The following TMEM163 variants were observed in gnomAD, a reference collection of about 807,000 sequenced individuals.
The protein encoded by TMEM163 is transmembrane protein 163.
TMEM163 carries 17 observed loss-of-function variants against 29.3 expected under a neutral mutation model. The ratio of observed to expected loss-of-function variants is 0.58; its 90% CI spans 0.40 to 0.87. The LOEUF is 0.87. TMEM163 is among the 40% of genes least tolerant of loss of function. The probability of loss-of-function intolerance (pLI) is 0.00; values close to 1 mark genes in which losing one functional copy is unlikely to be tolerated. For synonymous variants in TMEM163, 157 were observed against 160.6 expected (o/e 0.98, Z 0.17); for missense variants, 303 against 381.5 (o/e 0.79, Z 1.71).
intron 2 of TMEM163, among the ~76,000 whole-genome samples, chr2:134,568,172 C>T (rs1681337922): frequency 6.6e-6 from 1 of 152,200 alleles, no homozygotes; most frequent in South Asian, 2.1e-4. Flanking sequence ...TCCAGTAGGG[C>T]ATCACCAGCT....
In TMEM163 at chr2:134,718,807, C is replaced by G. The variant is rs1685097804; in HGVS notation, c.129G>C (p.Pro43=). ...CCTGCCGCTCCTCCTCCAGCTGGGGCGGCTCGCGCACCGGGGAGCTCAGCG... is the reference window on the plus strand; with the variant it reads ...CCTGCCGCTCCTCCTCCAGCTGGGGGGGCTCGCGCACCGGGGAGCTCAGCG... ...PAPLSSPVRE[P]PQLEEERQVR... Residue 43 remains proline, a synonymous_variant, in exon 1 of 8, where the codon CCG becomes CCC. Transcript: ENST00000281924. The G allele has an allele frequency of 8.8e-7, 1 of 1,141,390 alleles. No homozygotes were observed. Among genetic ancestry groups the G allele is most frequent in the Admixed American group, 4.8e-5 (1 of 20,774 alleles). 70.7% of individuals were successfully genotyped at this position (1,141,390 alleles called of 1,614,324 possible). A position where few individuals can be genotyped will look rare whatever the true frequency, so the allele number is the denominator to read the frequency against.
chr2:134,526,311 G>T (rs932666509), intron 4 of TMEM163, among the ~76,000 whole-genome samples: 1 of 152,130 alleles, frequency 6.6e-6, no homozygotes, highest in Non-Finnish European at 1.5e-5. Context: ...AACCACCCAA[G>T]GTTAAGTAAA....
intron 5 of TMEM163, among the ~76,000 whole-genome samples, chr2:134,492,105 T>C (rs1679443995): frequency 6.6e-6 from 1 of 152,238 alleles, no homozygotes; most frequent in African/African-American, 2.4e-5. Context: ...AGCTGTTATA[T>C]TTAGCCTACT....
At chr2:134,564,506 A>G (rs762869953) in intron 2 of TMEM163, among the ~76,000 whole-genome samples, 3 of 152,226 alleles carry the variant, frequency 2.0e-5, no homozygotes, top group Non-Finnish European at 4.4e-5. Context: ...AAATGCATTC[A>G]TCATAAGGGA....
chr2:134,649,057 C>A (rs6721273), intron 2 of TMEM163, among the ~76,000 whole-genome samples: 1 of 151,962 alleles, frequency 6.6e-6, no homozygotes, highest in Non-Finnish European at 1.5e-5. Context: ...CTCAGACCTG[C>A]GACATATCAA....
chr2:134,506,660 C>T (rs544465349), intron 4 of TMEM163, among the ~76,000 whole-genome samples: 30 of 152,204 alleles, frequency 2.0e-4, no homozygotes, highest in African/African-American at 3.6e-4. Flanking sequence ...TCCAGCCACA[C>T]GAAAGCTCTG....
At position 134,699,604 on chromosome 2, in the gene TMEM163, T is replaced by C. The variant is rs575626698; in HGVS notation, c.322+13596A>G. ...TACATCACATATGCATTCCCTGTTA[T>C]GGATGGCAGTCAAAAGTGTTTGAAA... is the stretch of plus-strand genomic sequence containing the variant. On this transcript the variant is annotated intron_variant, in intron 2 of 7. Coordinates refer to ENST00000281924, the MANE Select transcript of TMEM163 (RefSeq NM_030923.5). Among the ~76,000 whole-genome samples, 5 of 152,360 alleles carry C rather than the reference T, an allele frequency of 3.3e-5. No homozygotes were observed. In the South Asian group the frequency reaches 1.0e-3, roughly 32 times the overall value.
At chr2:134,680,060 G>A (rs1464686956) in intron 2 of TMEM163, among the ~76,000 whole-genome samples, 1 of 152,222 alleles carries the variant, frequency 6.6e-6, no homozygotes, top group East Asian at 1.9e-4. Flanking sequence ...AGTTTCCATG[G>A]CTCTGGGCCA....
At chr2:134,507,590 G>A (rs983413633) in intron 4 of TMEM163, among the ~76,000 whole-genome samples, 2 of 152,162 alleles carry the variant, frequency 1.3e-5, no homozygotes, top group African/African-American at 4.8e-5. Flanking sequence ...AATAGGCCGG[G>A]TGTGGTGGCT....
At chr2:134,484,032 C>T (rs375308194) in intron 5 of TMEM163, among the ~76,000 whole-genome samples, 7 of 152,076 alleles carry the variant, frequency 4.6e-5, no homozygotes, top group African/African-American at 1.7e-4. Context: ...CCCAGCTACT[C>T]GGGAGAGGTT....
chr2:134,653,937 TA>T lies in TMEM163; in HGVS notation c.322+59262del, dbSNP rs1255898161. On this transcript the variant is annotated intron_variant, in intron 2 of 7. Coordinates refer to ENST00000281924, the MANE Select transcript of TMEM163 (RefSeq NM_030923.5). ...GAGTTTGTTATAATTTCTGTTCTTTTACATTTGCTGAGGAGAGCTTTACTTC... is the reference window on the plus strand; with the variant it reads ...GAGTTTGTTATAATTTCTGTTCTTTTCATTTGCTGAGGAGAGCTTTACTTC... Among the ~76,000 whole-genome samples the T allele has an allele frequency of 1.2e-3, 146 of 123,692 alleles. 7 individuals carry two copies. The highest frequency in any genetic ancestry group is 5.1e-3 in the African/African-American group (131 of 25,824). 81.1% of individuals were successfully genotyped at this position (123,692 alleles called of 152,430 possible).
intron 2 of TMEM163, among the ~76,000 whole-genome samples, chr2:134,592,673 G>A (rs1162404657): frequency 1.3e-5 from 2 of 152,144 alleles, no homozygotes; most frequent in Admixed American, 6.5e-5. Flanking sequence ...GGGGGTTGGG[G>A]AGGGGGTTGT....
intron 5 of TMEM163, 174 bp from the exon 6 acceptor site, chr2:134,466,399 G>T: frequency 1.8e-6 from 1 of 563,256 alleles, no homozygotes; most frequent in South Asian, 2.3e-5. Flanking sequence ...CCAGGAATTG[G>T]AAAAGATGCT....
rs1401282432 is a variant in TMEM163 at position 134,692,534 on chromosome 2, T to C, written c.322+20666A>G. Among the ~76,000 whole-genome samples the C allele has an allele frequency of 2.0e-5, 3 of 152,234 alleles. No homozygotes were observed. In the East Asian group the frequency reaches 5.8e-4, roughly 30 times the overall value. On this transcript the variant is annotated intron_variant, in intron 2 of 7. Transcript: ENST00000281924. ...ACACCATGAATTTATTTCTCACAGC[T>C]TTGGAGGCTGGAAGTCCAAGATCCA...
rs201436466 is a variant in TMEM163, at chr2:134,661,925, C to CTTTTTTTTTTTTTTTTTTTTTTTT, written c.322+51274_322+51275insAAAAAAAAAAAAAAAAAAAAAAAA. Among the ~76,000 whole-genome samples, 8 of 79,068 alleles carry CTTTTTTTTTTTTTTTTTTTTTTTT rather than the reference C, an allele frequency of 1.0e-4. 4 individuals are homozygous for CTTTTTTTTTTTTTTTTTTTTTTTT. The highest frequency in any genetic ancestry group is 2.4e-4 in the African/African-American group (4 of 16,966). The allele number at this position is 79,068 out of a possible 152,430, so 51.9% of individuals were successfully genotyped here. A position where few individuals can be genotyped will look rare whatever the true frequency, so the allele number is the denominator to read the frequency against. ...AAGTTTTCATGGATTCATTAATTTT[C>CTTTTTTTTTTTTTTTTTTTTTTTT]TTTCTTTTTTTTTTTTTTTTTTTTG... On this transcript the variant is annotated intron_variant, in intron 2 of 7. Coordinates refer to ENST00000281924, the MANE Select transcript of TMEM163 (RefSeq NM_030923.5).
At chr2:134,612,371 T>C (rs2104818798) in intron 2 of TMEM163, among the ~76,000 whole-genome samples, 1 of 152,208 alleles carries the variant, frequency 6.6e-6, no homozygotes. Flanking sequence ...AGCTCTAAAC[T>C]TTTTCTGGGA....
rs149299659 is a variant in TMEM163 at position 134,456,666 on chromosome 2, C to G, written c.*50G>C. On this transcript the variant is annotated 3_prime_UTR_variant, in exon 8 of 8. Coordinates refer to ENST00000281924, the MANE Select transcript of TMEM163 (RefSeq NM_030923.5). Reference sequence around the variant, plus strand: ...TCAGTTAAATATTGGCACCCTTTGCCTATGTGGAAACTCCTCATCTCGATG... The same window carrying G: ...TCAGTTAAATATTGGCACCCTTTGCGTATGTGGAAACTCCTCATCTCGATG... 2,460 of 1,600,184 alleles carry G rather than the reference C, an allele frequency of 1.5e-3. 35 individuals carry two copies. The East Asian group carries it at 0.024, about 15-fold the overall frequency.
chr2:134,650,900 T>C (rs1287589025), intron 2 of TMEM163, among the ~76,000 whole-genome samples: 2 of 131,818 alleles, frequency 1.5e-5, no homozygotes, highest in Admixed American at 7.5e-5. Context: ...TGCATTGTAT[T>C]CCATGGTGTA....
intron 2 of TMEM163, among the ~76,000 whole-genome samples, chr2:134,620,809 A>G (rs1682714428): frequency 6.6e-6 from 1 of 152,212 alleles, no homozygotes; most frequent in African/African-American, 2.4e-5. Flanking sequence ...GTTACCTCAT[A>G]TAATATACAA....
Sources: allele counts gnomAD v4.1 joint callset (sites outside exome capture counted in the v4.1 genomes callset), GRCh38; gene constraint gnomAD v4.1.1; transcripts MANE v1.5; gene names NCBI Gene and HGNC (gene_info 2026-07-23, HGNC 2026-07-21).